Variants in CPEB1 observed in about 807,000 individuals in gnomAD.
The protein encoded by CPEB1 is cytoplasmic polyadenylation element-binding protein 1.
Under a neutral mutation model 65.8 loss-of-function variants are expected in CPEB1, and 7 were observed. The ratio of observed to expected loss-of-function variants is 0.11; its 90% confidence interval spans 0.06 to 0.20. The LOEUF (loss-of-function observed/expected upper bound fraction) is 0.20, where lower values mean the gene tolerates loss of function less well. CPEB1 is among the 10% of genes least tolerant of loss of function. CPEB1 has a pLI of 1.00. For missense variants in CPEB1, 551 were observed against 712.2 expected (o/e 0.77, Z 2.58); for synonymous variants, 262 against 260.0 (o/e 1.01, Z -0.08).
Position 82,571,494 on chromosome 15 carries a change from G to A in CPEB1, c.310C>T (p.Leu104Phe). ...DSEETVTSRM[L>F]FPTSAQESSR... is the part of the protein sequence containing the mutation. ...GATTCTTGCGCAGAGGTTGGGAAAA[G>A]CATCCTGCTTGTAACTGTTTCTTCA... Residue 104 changes from leucine to phenylalanine, a missense_variant, in exon 4 of 13, where the codon CTT becomes TTT. Coordinates refer to ENST00000684509, the MANE Select transcript of CPEB1 (RefSeq NM_001365242.1). 1 of 1,614,178 alleles carries A rather than the reference G, an allele frequency of 6.2e-7. No homozygotes were observed.
intron 3 of CPEB1, among the ~76,000 whole-genome samples, chr15:82,601,079 A>AT (rs1461754907): frequency 6.7e-6 from 1 of 149,756 alleles, no homozygotes; most frequent in East Asian, 2.0e-4. Flanking sequence ...TAATTTTTGT[A>AT]TTTTTTAGTA....
chr15:82,579,075 G>A (rs940022321), intron 3 of CPEB1, among the ~76,000 whole-genome samples: 5 of 152,014 alleles, frequency 3.3e-5, no homozygotes, highest in East Asian at 1.9e-4. Context: ...TACCCACCTC[G>A]GCCTCCCAAA....
intron 3 of CPEB1, among the ~76,000 whole-genome samples, chr15:82,609,986 G>A (rs558340182): frequency 1.3e-5 from 2 of 151,696 alleles, no homozygotes; most frequent in East Asian, 3.9e-4. Context: ...CTTGAACCTG[G>A]GAGGTGGAGG....
intron 4 of CPEB1, 65 bp downstream of exon 4, chr15:82,571,279 G>A (rs2039983388): frequency 6.4e-7 from 1 of 1,554,588 alleles, no homozygotes; most frequent in African/African-American, 1.4e-5. Flanking sequence ...CTGTTGCTGT[G>A]GATATCTTCG....
intron 3 of CPEB1, among the ~76,000 whole-genome samples, chr15:82,595,963 G>C (rs28415133): frequency 0.51 from 77,968 of 152,000 alleles, 20,467 homozygotes; most frequent in African/African-American, 0.64. Flanking sequence ...ACAGAAACTA[G>C]AGGGGGCCGA....
At chr15:82,559,667 C>G (rs2037852379) in intron 4 of CPEB1, among the ~76,000 whole-genome samples, 1 of 152,192 alleles carries the variant, frequency 6.6e-6, no homozygotes, top group African/African-American at 2.4e-5. Context: ...GGAAACATTC[C>G]TAACTTTGAA....
At chr15:82,584,224 A>G (rs1329288759) in intron 3 of CPEB1, among the ~76,000 whole-genome samples, 3 of 129,462 alleles carry the variant, frequency 2.3e-5, no homozygotes, top group Non-Finnish European at 4.6e-5. Context: ...GCACCACTGC[A>G]CTCCAGCCTG....
intron 4 of CPEB1, among the ~76,000 whole-genome samples, chr15:82,566,755 G>C (rs190564389): frequency 5.7e-4 from 87 of 152,186 alleles, no homozygotes; most frequent in Non-Finnish European, 1.0e-3. Flanking sequence ...TGGCCACACT[G>C]CTTCCCAGGT....
At chr15:82,581,683 T>A (rs1298647024) in intron 3 of CPEB1, among the ~76,000 whole-genome samples, 1 of 152,184 alleles carries the variant, frequency 6.6e-6, no homozygotes, top group South Asian at 2.1e-4. Context: ...TTTTAAAAAT[T>A]AGGTTGTACC....
chr15:82,553,916 T>C lies in CPEB1; in HGVS notation c.1016A>G (p.Lys339Arg). The change falls in exon 7 of 13, where the codon AAG (lysine) becomes AGG (arginine). Residue 339 changes from lysine to arginine, a missense_variant. This residue lies in a region of CPEB1 where 99 missense variants were observed against 161.3 expected (regional missense o/e 0.61). Coordinates refer to ENST00000684509, the MANE Select transcript of CPEB1 (RefSeq NM_001365242.1). ...CCAAGGAACACCTCCTAGAAACACC[T>C]TGCAAGAGTAGATGGGGTTCTTATA... Reference protein sequence around the residue: ...RNYKNPIYSCKVFLGGVPWDI... With the variant: ...RNYKNPIYSCRVFLGGVPWDI... The C allele has an allele frequency of 6.2e-7, 1 of 1,612,788 alleles. No homozygotes were observed. Among genetic ancestry groups the C allele is most frequent in the Non-Finnish European group, 8.5e-7 (1 of 1,179,376 alleles).
At chr15:82,635,346 G>T (rs547595067) in intron 1 of CPEB1, among the ~76,000 whole-genome samples, 1 of 152,218 alleles carries the variant, frequency 6.6e-6, no homozygotes, top group Non-Finnish European at 1.5e-5. Context: ...ATGGAAGAAT[G>T]TAAGTCTTCT....
intron 2 of CPEB1, 158 bp downstream of exon 2, chr15:82,628,206 G>A (rs2045934491): frequency 2.8e-6 from 2 of 702,164 alleles, no homozygotes; most frequent in African/African-American, 1.7e-5. Context: ...ATAAATTCCT[G>A]CTTAAAAAAA....
chr15:82,617,812 C>A (rs1428103900), intron 3 of CPEB1, among the ~76,000 whole-genome samples: 1 of 133,840 alleles, frequency 7.5e-6, no homozygotes, highest in Non-Finnish European at 1.5e-5. Flanking sequence ...CGGCTCACTG[C>A]AAGCTCCGCC....
chr15:82,579,918 C>CAAAAAAAAAAAAAAAAAAA (rs59925251), intron 3 of CPEB1, among the ~76,000 whole-genome samples: 1 of 32,680 alleles, frequency 3.1e-5, no homozygotes, highest in Non-Finnish European at 6.8e-5. Flanking sequence ...GACTCCGTCT[C>CAAAAAAAAAAAAAAAAAAA]AAAAAAAAAA....
At chr15:82,549,347 T>G in intron 10 of CPEB1, 113 bp downstream of exon 10, 1 of 1,006,606 alleles carries the variant, frequency 9.9e-7, no homozygotes, top group Non-Finnish European at 1.5e-6. Flanking sequence ...TGGTATATGC[T>G]GATCTGCAGA....
intron 3 of CPEB1, among the ~76,000 whole-genome samples, chr15:82,612,414 T>C (rs2044246724): frequency 6.6e-6 from 1 of 151,134 alleles, no homozygotes. Context: ...GGAGAATCGC[T>C]TGAGCCCGGG....
intron 3 of CPEB1, chr15:82,571,943 C>G (rs755739425): frequency 1.3e-6 from 1 of 779,986 alleles, no homozygotes; most frequent in African/African-American, 1.9e-5. Flanking sequence ...GGAATAGTCC[C>G]GGTGCAGTGC....
intron 3 of CPEB1, among the ~76,000 whole-genome samples, chr15:82,602,063 TTATAAG>T (rs1408352806): frequency 4.0e-4 from 61 of 152,314 alleles, no homozygotes; most frequent in African/African-American, 1.2e-3. Context: ...TACACTGTCT[TTATAAG>T]TATATCTAGA....
chr15:82,589,904 C>T (rs1248948800), intron 3 of CPEB1, among the ~76,000 whole-genome samples: 1 of 152,076 alleles, frequency 6.6e-6, no homozygotes, highest in Non-Finnish European at 1.5e-5. Context: ...TATAAGTAAT[C>T]TAGAGATAAA....
Sources: allele counts gnomAD v4.1 joint callset (sites outside exome capture counted in the v4.1 genomes callset), GRCh38; gene constraint gnomAD v4.1.1; regional missense constraint gnomAD v4.1.1; transcripts MANE v1.5; gene names NCBI Gene and HGNC (gene_info 2026-07-23, HGNC 2026-07-21).